CNNM2: variants seen among roughly 807,000 people sequenced by gnomAD.
CNNM2 encodes metal transporter CNNM2.
A neutral mutation model predicts 66.9 loss-of-function variants in CNNM2; 12 were observed. That is an observed-to-expected ratio of 0.18 (90% CI 0.11 to 0.29). The LOEUF (loss-of-function observed/expected upper bound fraction) is 0.29. Ranked by LOEUF, CNNM2 falls within the 10% of genes least tolerant of loss-of-function variation. The pLI is 1.00. For missense variants in CNNM2, 705 were observed against 1,167.7 expected (o/e 0.60, Z 5.77); for synonymous variants, 557 against 501.8 (o/e 1.11, Z -1.47).
chr10:102,925,220 C>T (rs567420943), intron 1 of CNNM2, among the ~76,000 whole-genome samples: 33 of 133,668 alleles, frequency 2.5e-4, no homozygotes, highest in African/African-American at 7.7e-4. Context: ...TGCTTGAACC[C>T]GGGAGGCGGA....
chr10:102,985,814 G>A (rs1453619385), intron 1 of CNNM2, among the ~76,000 whole-genome samples: 1 of 152,188 alleles, frequency 6.6e-6, no homozygotes, highest in Non-Finnish European at 1.5e-5. Context: ...GGGAAAGGGG[G>A]GCCTTCTAAA....
intron 7 of CNNM2, 97 bp from the exon 8 acceptor site, chr10:103,076,874 G>A (rs1199162455): frequency 8.4e-6 from 9 of 1,073,166 alleles, no homozygotes; most frequent in Non-Finnish European, 1.3e-5. Context: ...TCCTAGAGAG[G>A]CTGCTGTGGG....
intron 1 of CNNM2, among the ~76,000 whole-genome samples, chr10:103,029,345 G>A (rs1289672210): frequency 3.3e-5 from 5 of 151,086 alleles, no homozygotes; most frequent in Non-Finnish European, 7.4e-5. Context: ...GCCAGCACCT[G>A]TAATCCCAGC....
intron 1 of CNNM2, among the ~76,000 whole-genome samples, chr10:102,968,457 G>C (rs1406741418): frequency 6.6e-6 from 1 of 152,092 alleles, no homozygotes; most frequent in Non-Finnish European, 1.5e-5. Context: ...ATATTGACCA[G>C]GCTTGTCTCG....
chr10:102,949,463 C>T (rs1846745900), intron 1 of CNNM2, among the ~76,000 whole-genome samples: 1 of 151,868 alleles, frequency 6.6e-6, no homozygotes, highest in South Asian at 2.1e-4. Flanking sequence ...GCATGAGCCA[C>T]CACACCTGGC....
intron 1 of CNNM2, among the ~76,000 whole-genome samples, chr10:102,990,020 C>T (rs2063870651): frequency 1.3e-5 from 2 of 151,276 alleles, no homozygotes; most frequent in African/African-American, 4.9e-5. Flanking sequence ...TCTCGTCTCA[C>T]TGCAACCTCT....
At chr10:103,049,906 GT>G (rs1474039229) in intron 2 of CNNM2, 56 bp downstream of exon 2, 1 of 1,565,966 alleles carries the variant, frequency 6.4e-7, no homozygotes, top group Non-Finnish European at 8.7e-7. Context: ...TTGTTGTGCT[GT>G]TTGTGAGTCT....
rs1417196917 is a variant in CNNM2, at chr10:103,088,515, G to A, written c.*11335G>A. ...TTCTCCTGCCTCAGCCTCCTGAGTA[G>A]ATGATGGGATTACAGGCATGCACCA... is the stretch of plus-strand genomic sequence containing the variant. On this transcript the variant is annotated 3_prime_UTR_variant, in exon 8 of 8. Transcript: ENST00000369878. 2 of 152,496 alleles carry A rather than the reference G, an allele frequency of 1.3e-5. No homozygotes were observed. The highest frequency in any genetic ancestry group is 3.8e-4 in the East Asian group (2 of 5,242). The allele number at this position is 152,496 out of a possible 1,614,324, so 9.4% of individuals were successfully genotyped here.
chr10:102,991,775 T>TA (rs1343034082), intron 1 of CNNM2, among the ~76,000 whole-genome samples: 1 of 152,206 alleles, frequency 6.6e-6, no homozygotes, highest in African/African-American at 2.4e-5. Flanking sequence ...AATTTGCAAT[T>TA]ACCTGAGCCT....
intron 1 of CNNM2, among the ~76,000 whole-genome samples, chr10:103,024,520 C>G (rs1276736981): frequency 1.3e-5 from 2 of 151,796 alleles, no homozygotes; most frequent in Non-Finnish European, 2.9e-5. Context: ...GCTCTGTCAC[C>G]CAGGCTGGAA....
At chr10:103,029,882 A>T (rs952347197) in intron 1 of CNNM2, among the ~76,000 whole-genome samples, 3 of 150,194 alleles carry the variant, frequency 2.0e-5, no homozygotes, top group Admixed American at 2.0e-4. Context: ...AAAAAAAATA[A>T]TCTCAGAGGA....
At chr10:102,973,119 T>C (rs1424704499) in intron 1 of CNNM2, among the ~76,000 whole-genome samples, 1 of 151,844 alleles carries the variant, frequency 6.6e-6, no homozygotes, top group Non-Finnish European at 1.5e-5. Flanking sequence ...TTTTTGTATC[T>C]AAAGTACATC....
intron 1 of CNNM2, among the ~76,000 whole-genome samples, chr10:102,955,799 G>T (rs1266881610): frequency 1.3e-5 from 2 of 152,198 alleles, no homozygotes; most frequent in Non-Finnish European, 2.9e-5. Flanking sequence ...GGTCATCAGA[G>T]AAATGCAAAT....
chr10:103,047,642 A>T (rs1011260384), intron 1 of CNNM2, among the ~76,000 whole-genome samples: 2 of 152,234 alleles, frequency 1.3e-5, no homozygotes, highest in Non-Finnish European at 2.9e-5. Flanking sequence ...CTGTAAATCT[A>T]AAATTATTCC....
At chr10:102,949,355 A>T (rs892779746) in intron 1 of CNNM2, among the ~76,000 whole-genome samples, 3 of 151,848 alleles carry the variant, frequency 2.0e-5, no homozygotes, top group Non-Finnish European at 4.4e-5. Flanking sequence ...TTGTATTTTT[A>T]GTAGAGAAGG....
chr10:103,069,247 T>G (rs2134360740), intron 5 of CNNM2, among the ~76,000 whole-genome samples: 1 of 152,268 alleles, frequency 6.6e-6, no homozygotes, highest in South Asian at 2.1e-4. Context: ...GGTAGTCCCG[T>G]CTGGGGCTAC....
At chr10:102,949,738 C>T (rs914106336) in intron 1 of CNNM2, among the ~76,000 whole-genome samples, 4 of 151,952 alleles carry the variant, frequency 2.6e-5, no homozygotes, top group South Asian at 2.1e-4. Context: ...TGCAGTGAGC[C>T]GAGATTGCGC....
intron 1 of CNNM2, among the ~76,000 whole-genome samples, chr10:102,949,046 T>C (rs1311088295): frequency 4.6e-5 from 7 of 152,214 alleles, no homozygotes; most frequent in Non-Finnish European, 8.8e-5. Context: ...AACCTTGAGT[T>C]TGGAGAACTT....
At chr10:103,014,344 A>C (rs1387187388) in intron 1 of CNNM2, among the ~76,000 whole-genome samples, 1 of 152,156 alleles carries the variant, frequency 6.6e-6, no homozygotes, top group Non-Finnish European at 1.5e-5. Flanking sequence ...CCTGCAATTT[A>C]CTCAATAACA....
Sources: allele counts gnomAD v4.1 joint callset (sites outside exome capture counted in the v4.1 genomes callset), GRCh38; gene constraint gnomAD v4.1.1; transcripts MANE v1.5; gene names NCBI Gene and HGNC (gene_info 2026-07-23, HGNC 2026-07-21).